Variants in SLCO3A1 observed in about 807,000 individuals in gnomAD.
The protein encoded by SLCO3A1 is solute carrier organic anion transporter family member 3A1.
SLCO3A1 carries 27 observed loss-of-function variants against 63.1 expected under a neutral mutation model. The ratio of observed to expected loss-of-function variants is 0.43; its 90% confidence interval spans 0.32 to 0.59. The LOEUF is 0.59. Ranked by LOEUF, SLCO3A1 falls within the 20% of genes least tolerant of loss-of-function variation. The probability of loss-of-function intolerance (pLI) is 0.09; values close to 1 mark genes in which losing one functional copy is unlikely to be tolerated. For missense variants in SLCO3A1, 773 were observed against 945.8 expected (o/e 0.82, Z 2.40); for synonymous variants, 473 against 409.9 (o/e 1.15, Z -1.86).
intron 2 of SLCO3A1, among the ~76,000 whole-genome samples, chr15:91,986,469 C>A (rs1265550305): frequency 2.1e-5 from 3 of 141,926 alleles, no homozygotes; most frequent in African/African-American, 7.4e-5. Flanking sequence ...CTCTAGTAGC[C>A]ATTTTTTTTT....
chr15:92,094,305 T>A (rs1173345942), intron 2 of SLCO3A1, among the ~76,000 whole-genome samples: 1 of 152,206 alleles, frequency 6.6e-6, no homozygotes, highest in Non-Finnish European at 1.5e-5. Context: ...GGACAGAAAT[T>A]GAAGAATTGA....
intron 5 of SLCO3A1, among the ~76,000 whole-genome samples, chr15:92,124,365 T>C (rs1596122011): frequency 6.6e-6 from 1 of 151,804 alleles, no homozygotes; most frequent in African/African-American, 2.4e-5. Context: ...GGAGAAAAGG[T>C]GTGAAAGCCT....
chr15:92,018,106 CA>C (rs892814327), intron 2 of SLCO3A1, among the ~76,000 whole-genome samples: 4 of 152,170 alleles, frequency 2.6e-5, no homozygotes, highest in African/African-American at 9.7e-5. Flanking sequence ...TACCCGAGTA[CA>C]AGGGACTGAG....
intron 9 of SLCO3A1, among the ~76,000 whole-genome samples, chr15:92,155,795 G>GT (rs2048363691): frequency 6.6e-6 from 1 of 152,184 alleles, no homozygotes; most frequent in African/African-American, 2.4e-5. Context: ...TGAGGCTGAG[G>GT]TTTGGAGCCC....
chr15:92,015,461 T>C (rs1231992044), intron 2 of SLCO3A1, among the ~76,000 whole-genome samples: 3 of 151,974 alleles, frequency 2.0e-5, no homozygotes, highest in Non-Finnish European at 4.4e-5. Context: ...TCGTGAGAAC[T>C]CCCTCACTAT....
chr15:92,056,865 C>T (rs879413303), intron 2 of SLCO3A1, among the ~76,000 whole-genome samples: 2 of 152,158 alleles, frequency 1.3e-5, no homozygotes, highest in Non-Finnish European at 2.9e-5. Flanking sequence ...CAAGCTCAAC[C>T]CCTTCCCACT....
At chr15:92,016,254 T>TAGATAGATTAGATAGATAGA in intron 2 of SLCO3A1, among the ~76,000 whole-genome samples, 1,458 of 95,478 alleles carry the variant, frequency 0.015, 8 homozygotes, top group Middle Eastern at 0.03. Context: ...GATAGATAGA[T>TAGATAGATTAGATAGATAGA]TAGATAGATA....
At chr15:91,976,578 G>A (rs1159373944) in intron 2 of SLCO3A1, among the ~76,000 whole-genome samples, 1 of 152,038 alleles carries the variant, frequency 6.6e-6, no homozygotes, top group South Asian at 2.1e-4. Flanking sequence ...ACTCTATCGG[G>A]GAATCCACGT....
At chr15:92,102,572 G>A (rs2047618725) in intron 3 of SLCO3A1, among the ~76,000 whole-genome samples, 3 of 70,190 alleles carry the variant, frequency 4.3e-5, no homozygotes, top group Admixed American at 4.2e-4. Flanking sequence ...TGGCAGAGCT[G>A]GGATTCGGCC....
rs370231515 is a variant in SLCO3A1 at position 92,120,699 on chromosome 15, A to G, written c.1174+70A>G. ...CCTGTGTGTAAGGCACTAAAAATTT[A>G]CTGAGCCCTGCTGAAGAACCCCACT... On this transcript the variant is annotated intron_variant, in intron 5 of 9. Coordinates refer to ENST00000318445, the MANE Select transcript of SLCO3A1 (RefSeq NM_013272.4). The G allele has an allele frequency of 9.1e-5, 128 of 1,409,540 alleles. 1 individual carries two copies. The African/African-American group carries it at 1.6e-3, about 17-fold the overall frequency. The allele number at this position is 1,409,540 out of a possible 1,614,324, so 87.3% of individuals were successfully genotyped here.
intron 4 of SLCO3A1, among the ~76,000 whole-genome samples, chr15:92,117,587 T>C (rs558283282): frequency 6.6e-6 from 1 of 152,304 alleles, no homozygotes; most frequent in East Asian, 1.9e-4. Flanking sequence ...GACATTCAAA[T>C]GTATTCATTA....
intron 2 of SLCO3A1, among the ~76,000 whole-genome samples, chr15:92,060,586 G>A (rs112191017): frequency 0.15 from 23,435 of 151,244 alleles, 1,878 homozygotes; most frequent in African/African-American, 0.19. Context: ...TGCAACCTCC[G>A]CCTCCGGGGT....
At chr15:91,855,824 A>G (rs1298370261) in intron 1 of SLCO3A1, among the ~76,000 whole-genome samples, 2 of 152,218 alleles carry the variant, frequency 1.3e-5, no homozygotes, top group Non-Finnish European at 2.9e-5. Context: ...GGAGGTAATT[A>G]GTATATCAAC....
intron 2 of SLCO3A1, among the ~76,000 whole-genome samples, chr15:92,016,338 T>C (rs755921075): frequency 1.3e-5 from 2 of 152,072 alleles, no homozygotes; most frequent in Non-Finnish European, 2.9e-5. Flanking sequence ...TCAAACATTG[T>C]TTTTTTGGTA....
chr15:92,034,119 G>A (rs961491514), intron 2 of SLCO3A1, among the ~76,000 whole-genome samples: 4 of 151,804 alleles, frequency 2.6e-5, no homozygotes, highest in African/African-American at 9.7e-5. Context: ...TCTGTGGAGA[G>A]TGGACTGTGG....
chr15:91,916,284 G>A lies in SLCO3A1; in HGVS notation c.472G>A (p.Asp158Asn), dbSNP rs756275514. The A allele has an allele frequency of 9.7e-6, 15 of 1,553,852 alleles. No individual in the cohort carries two copies. The South Asian group carries it at 1.5e-4, about 16-fold the overall frequency. ...CTGCGCAGCCAACGGCTCGGGCGGC[G>A]ACGAGGGGCCCGACCCCGACCTCAT... ...DVCAANGSGG[D>N]EGPDPDLICR... Residue 158 changes from aspartate (D) to asparagine (N), a missense_variant, in exon 2 of 10, where the codon GAC becomes AAC. Coordinates refer to ENST00000318445, the MANE Select transcript of SLCO3A1 (RefSeq NM_013272.4). The surrounding 1 kb of genome is among the most constrained non-coding windows in gnomAD (Gnocchi z 6.2).
At chr15:92,121,085 C>T (rs2047857783) in intron 5 of SLCO3A1, among the ~76,000 whole-genome samples, 1 of 152,190 alleles carries the variant, frequency 6.6e-6, no homozygotes, top group African/African-American at 2.4e-5. Context: ...TGGATCATGA[C>T]ACTCCTTCTC....
intron 1 of SLCO3A1, among the ~76,000 whole-genome samples, chr15:91,864,816 A>G (rs1897127636): frequency 6.6e-6 from 1 of 152,176 alleles, no homozygotes. Flanking sequence ...CGGTGAGCCC[A>G]ACAGTGATGG....
chr15:91,968,070 C>G lies in SLCO3A1; in HGVS notation c.646+51612C>G, dbSNP rs1032103481. Among the ~76,000 whole-genome samples the G allele has an allele frequency of 6.6e-6, 1 of 152,140 alleles. No individual in the cohort carries two copies. The highest frequency in any genetic ancestry group is 1.5e-5 in the Non-Finnish European group (1 of 68,038). ...CTGAACATTTTCTAGAGTCCCCTGC[C>G]TAGTCGCCCTGGAAAGTACCCAGGG... On this transcript the variant is annotated intron_variant, in intron 2 of 9. Coordinates refer to ENST00000318445, the MANE Select transcript of SLCO3A1 (RefSeq NM_013272.4). This position sits in a 1 kb window ranked among gnomAD's most constrained non-coding sequence, Gnocchi z 4.2.
Sources: gnomAD v4.1 joint callset for allele counts (sites outside exome capture counted in the v4.1 genomes callset) on GRCh38, gnomAD v4.1.1 for gene constraint, Gnocchi (gnomAD v3.1) non-coding constraint, MANE v1.5 for transcripts, NCBI Gene and HGNC (gene_info 2026-07-23, HGNC 2026-07-21) for gene names.